The following BIRC6 variants were observed in gnomAD, a reference collection of about 807,000 sequenced individuals.
BIRC6 encodes the protein baculoviral IAP repeat containing 6, also known as dual E2 ubiquitin-conjugating enzyme/E3 ubiquitin-protein ligase BIRC6.
Under a neutral mutation model 503.3 loss-of-function variants are expected in BIRC6, and 98 were observed. That is an observed-to-expected ratio of 0.19 (90% confidence interval 0.17 to 0.23). The LOEUF (loss-of-function observed/expected upper bound fraction) is 0.23, where lower values mean the gene tolerates loss of function less well. Among genes scored for constraint, BIRC6 ranks in the 10% least tolerant of loss-of-function variants. The pLI, the probability that BIRC6 is intolerant of heterozygous loss-of-function variation, is 1.00. For synonymous variants in BIRC6, 2,240 were observed against 2,078.7 expected (o/e 1.08, Z -2.11); for missense variants, 5,360 against 5,806.0 (o/e 0.92, Z 2.50).
intron 66 of BIRC6, among the ~76,000 whole-genome samples, chr2:32,589,062 C>G (rs2061241997): frequency 6.6e-6 from 1 of 152,040 alleles, no homozygotes; most frequent in Non-Finnish European, 1.5e-5. Flanking sequence ...ATCTTTTGTG[C>G]AGACTTTTTC....
chr2:32,360,288 G>C (rs574712582), intron 1 of BIRC6, among the ~76,000 whole-genome samples: 1 of 152,260 alleles, frequency 6.6e-6, no homozygotes, highest in African/African-American at 2.4e-5. Context: ...CAAAGACAGT[G>C]AATTTTTAAC....
chr2:32,458,303 T>C (rs1309081190), intron 23 of BIRC6, among the ~76,000 whole-genome samples: 1 of 152,202 alleles, frequency 6.6e-6, no homozygotes, highest in Admixed American at 6.5e-5. Flanking sequence ...CTTGAATCTT[T>C]AGTTGATAGC....
At chr2:32,525,744 G>A (rs2056212399) in intron 59 of BIRC6, 116 bp downstream of exon 59, 1 of 994,420 alleles carries the variant, frequency 1.0e-6, no homozygotes. Context: ...AGATCAGTGA[G>A]TTAGTGAGAC....
At chr2:32,512,816 C>T in intron 53 of BIRC6, 117 bp from the exon 54 acceptor site, 1 of 727,934 alleles carries the variant, frequency 1.4e-6, no homozygotes, top group Non-Finnish European at 2.3e-6. Context: ...TAATCAAAAA[C>T]AATTAGTGCA....
At position 32,404,503 on chromosome 2, in the gene BIRC6, C is replaced by T. The variant is rs182572071; in HGVS notation, c.1419-1996C>T. 7.4e-3 allele frequency among the ~76,000 whole-genome samples: 1,108 copies of T among 149,290 alleles called. 7 individuals carry two copies. The highest frequency in any genetic ancestry group is 0.022 in the Middle Eastern group (6 of 278). On this transcript the variant is annotated intron_variant, in intron 8 of 73. Coordinates refer to ENST00000421745, the MANE Select transcript of BIRC6 (RefSeq NM_016252.4). Reference sequence around the variant, plus strand: ...GTAAATTTTGTATTTTTAGTAGAGACGGGTTTCACCATGTTGGCCAGGCTG... The same window carrying T: ...GTAAATTTTGTATTTTTAGTAGAGATGGGTTTCACCATGTTGGCCAGGCTG...
chr2:32,578,505 G>A (rs1001291851), intron 66 of BIRC6, among the ~76,000 whole-genome samples: 2 of 152,012 alleles, frequency 1.3e-5, no homozygotes, highest in African/African-American at 4.8e-5. Context: ...TAAAAATGCT[G>A]TGTATCACGG....
Position 32,414,692 on chromosome 2 carries a change from T to C in BIRC6, c.1478-77T>C, listed in dbSNP as rs994000042. 3 of 1,010,224 alleles carry C rather than the reference T, an allele frequency of 3.0e-6. No homozygotes were observed. The Admixed American group carries it at 1.0e-4, about 34-fold the overall frequency. 62.6% of individuals were successfully genotyped at this position (1,010,224 alleles called of 1,614,324 possible). A position where few individuals can be genotyped will look rare whatever the true frequency, so the allele number is the denominator to read the frequency against. ...AAAAATAAATAAATAAATAAATAAA[T>C]AATTTTACTTGTGTATTCATAATGT... On this transcript the variant is annotated intron_variant, in intron 9 of 73. Transcript: ENST00000421745.
chr2:32,586,803 A>G (rs1393849832), intron 66 of BIRC6, among the ~76,000 whole-genome samples: 1 of 152,144 alleles, frequency 6.6e-6, no homozygotes, highest in Non-Finnish European at 1.5e-5. Context: ...TGGGCACATT[A>G]CATTTAGTAA....
chr2:32,483,169 G>A (rs548856099), intron 39 of BIRC6, among the ~76,000 whole-genome samples: 2 of 152,030 alleles, frequency 1.3e-5, no homozygotes, highest in Admixed American at 6.6e-5. Flanking sequence ...TGCCTGCCTC[G>A]GCCTCCAAAA....
intron 61 of BIRC6, among the ~76,000 whole-genome samples, chr2:32,534,730 CAAAAAA>C (rs770672789): frequency 9.0e-5 from 2 of 22,306 alleles, no homozygotes; most frequent in African/African-American, 2.8e-4. Context: ...GACTCTGTCT[CAAAAAA>C]AAAAAAAAAA....
intron 61 of BIRC6, among the ~76,000 whole-genome samples, chr2:32,534,417 T>C (rs1394508315): frequency 6.9e-6 from 1 of 144,286 alleles, no homozygotes; most frequent in Non-Finnish European, 1.5e-5. Context: ...GCAACAGTAG[T>C]GAACTGGAAG....
rs778855881 is a variant in BIRC6, at chr2:32,388,801, A to G, written c.697A>G (p.Ser233Gly). 32 of 1,612,962 alleles carry G rather than the reference A, an allele frequency of 2.0e-5. No individual in the cohort carries two copies. In the South Asian group the frequency reaches 3.4e-4, roughly 17 times the overall value. Residue 233 changes from serine (S) to glycine (G), a missense_variant, in exon 4 of 74, where the codon AGT (serine) becomes GGT (glycine). This residue lies in a region of BIRC6 where 134 missense variants were observed against 150.9 expected (regional missense o/e 0.89). Transcript: ENST00000421745. ...LPHHVLKSIA[S>G]AIVNELKKIN... The stretch of plus-strand genomic sequence containing the variant: ...TCATCATGTGTTGAAGTCCATTGCC[A>G]GTGCCATTGTAAATGAACTCAAGAA...
chr2:32,522,692 C>G (rs941602260), intron 57 of BIRC6: 2 of 152,152 alleles, frequency 1.3e-5, no homozygotes, highest in Non-Finnish European at 1.5e-5. Flanking sequence ...TAGGAATTCA[C>G]TAGATGTCTA....
chr2:32,507,504 A>G (rs1000615316), intron 50 of BIRC6, among the ~76,000 whole-genome samples: 3 of 152,242 alleles, frequency 2.0e-5, no homozygotes, highest in Non-Finnish European at 4.4e-5. Flanking sequence ...AATGTTTAAA[A>G]AAATCACAAT....
intron 63 of BIRC6, among the ~76,000 whole-genome samples, chr2:32,547,437 T>G (rs1397997949): frequency 6.6e-6 from 1 of 152,200 alleles, no homozygotes; most frequent in South Asian, 2.1e-4. Context: ...TTTTGGATAT[T>G]GCATATAAAT....
chr2:32,584,904 T>A (rs2060926559), intron 66 of BIRC6, among the ~76,000 whole-genome samples: 1 of 152,176 alleles, frequency 6.6e-6, no homozygotes, highest in African/African-American at 2.4e-5. Flanking sequence ...TTTTTTTAGA[T>A]GCCCTTAGGC....
chr2:32,442,248 T>C, intron 18 of BIRC6, 22 bp downstream of exon 18: 1 of 1,602,060 alleles, frequency 6.2e-7, no homozygotes, highest in Non-Finnish European at 8.5e-7. Context: ...AAATTTTGCT[T>C]ACCACTGTTG....
At chr2:32,469,658 A>G (rs1235249371) in intron 30 of BIRC6, 44 bp downstream of exon 30, 3 of 1,473,988 alleles carry the variant, frequency 2.0e-6, no homozygotes, top group Non-Finnish European at 2.8e-6. Flanking sequence ...AATGATGTGT[A>G]CTTTTCACAG....
intron 44 of BIRC6, among the ~76,000 whole-genome samples, chr2:32,492,830 A>G (rs1308355048): frequency 1.3e-5 from 2 of 152,030 alleles, no homozygotes; most frequent in African/African-American, 4.8e-5. Flanking sequence ...TAACTCTAAA[A>G]TAGTTTGGAG....
Sources: gnomAD v4.1 joint callset for allele counts (sites outside exome capture counted in the v4.1 genomes callset) on GRCh38, gnomAD v4.1.1 for gene constraint, gnomAD v4.1.1 regional missense constraint, MANE v1.5 for transcripts, NCBI Gene and HGNC (gene_info 2026-07-23, HGNC 2026-07-21) for gene names.